ZFYVE28: variants seen among roughly 807,000 people sequenced by gnomAD.
The protein encoded by ZFYVE28 is lateral signaling target protein 2 homolog.
A neutral mutation model predicts 82.1 loss-of-function variants in ZFYVE28; 40 were observed. That is an observed-to-expected ratio of 0.49 (90% CI 0.38 to 0.63). The LOEUF (loss-of-function observed/expected upper bound fraction) is 0.63, where lower values mean the gene tolerates loss of function less well. Ranked by LOEUF, ZFYVE28 falls within the 30% of genes least tolerant of loss-of-function variation. ZFYVE28 has a pLI of 0.00. For synonymous variants in ZFYVE28, 612 were observed against 546.1 expected (o/e 1.12, Z -1.68); for missense variants, 1,321 against 1,242.1 (o/e 1.06, Z -0.96).
intron 6 of ZFYVE28, among the ~76,000 whole-genome samples, chr4:2,321,490 G>A (rs1263787368): frequency 6.6e-6 from 1 of 152,178 alleles, no homozygotes; most frequent in Non-Finnish European, 1.5e-5. Flanking sequence ...TGGGCAGGGG[G>A]CTGTGTCTTG....
At position 2,408,352 on chromosome 4, in the gene ZFYVE28, C is replaced by T. The variant is rs1305320021; in HGVS notation, c.39+9933G>A. Among the ~76,000 whole-genome samples, 1 of 152,002 alleles carries T rather than the reference C, an allele frequency of 6.6e-6. No individual in the cohort carries two copies. Among genetic ancestry groups the T allele is most frequent in the Admixed American group, 6.6e-5 (1 of 15,258 alleles). Reference sequence around the variant, plus strand: ...CGCACCGAGAAGTGGAGGTGACAGCCCCCCCCATTTAATGGGGGCTGGCCC... The same window carrying T: ...CGCACCGAGAAGTGGAGGTGACAGCTCCCCCCATTTAATGGGGGCTGGCCC... On this transcript the variant is annotated intron_variant, in intron 1 of 12. Coordinates refer to ENST00000290974, the MANE Select transcript of ZFYVE28 (RefSeq NM_020972.3). This position sits in a 1 kb window ranked among gnomAD's most constrained non-coding sequence, Gnocchi z 4.3.
At chr4:2,344,635 G>A (rs73203402) in intron 2 of ZFYVE28, among the ~76,000 whole-genome samples, 27,902 of 152,228 alleles carry the variant, frequency 0.18, 3,442 homozygotes, top group East Asian at 0.47. Flanking sequence ...AGTGGCTCAC[G>A]CCTGTAATCC....
chr4:2,402,264 C>T (rs940006580), intron 1 of ZFYVE28, among the ~76,000 whole-genome samples: 3 of 152,188 alleles, frequency 2.0e-5, no homozygotes, highest in African/African-American at 7.2e-5. Context: ...GGGGCCCCTC[C>T]TCCCCAACTC....
chr4:2,271,538 CG>C, intron 11 of ZFYVE28, 124 bp from the exon 12 acceptor site: 9 of 1,413,156 alleles, frequency 6.4e-6, no homozygotes, highest in Non-Finnish European at 7.9e-6. Context: ...AGCCAGCCTC[CG>C]GGGGGGCGGT....
intron 8 of ZFYVE28, among the ~76,000 whole-genome samples, chr4:2,281,849 G>C (rs1003070028): frequency 6.6e-6 from 1 of 152,180 alleles, no homozygotes; most frequent in Non-Finnish European, 1.5e-5. Flanking sequence ...CAGACACTAT[G>C]TGTCCCCCAA....
chr4:2,416,433 G>A lies in ZFYVE28; in HGVS notation c.39+1852C>T, dbSNP rs1733044099. Among the ~76,000 whole-genome samples, 1 of 152,188 alleles carries A rather than the reference G, an allele frequency of 6.6e-6. No homozygotes were observed. Among genetic ancestry groups the A allele is most frequent in the Non-Finnish European group, 1.5e-5 (1 of 68,040 alleles). On this transcript the variant is annotated intron_variant, in intron 1 of 12. Coordinates refer to ENST00000290974, the MANE Select transcript of ZFYVE28 (RefSeq NM_020972.3). The surrounding 1 kb of genome is among the most constrained non-coding windows in gnomAD (Gnocchi z 4.6). ...CACCAGAATGTTAGTTAAGACCTAA[G>A]ACACATTTCTCCAGCTGCCTCCCGC...
intron 8 of ZFYVE28, among the ~76,000 whole-genome samples, chr4:2,283,776 G>GAGTGGGAGT (rs1408869156): frequency 1.3e-5 from 2 of 152,246 alleles, no homozygotes; most frequent in East Asian, 3.8e-4. Flanking sequence ...GGAGGTCAGA[G>GAGTGGGAGT]GGGAGACTCC....
In ZFYVE28 at chr4:2,339,596, C is replaced by T. The variant is rs200371392; in HGVS notation, c.378G>A (p.Pro126=). ...NRELESMAMR[P]LAKELTRSLE... is the part of the protein sequence containing the mutation. Reference sequence around the variant, plus strand: ...GGCTGCGCGTCAGCTCCTTGGCCAGCGGGCGCATGGCCATGCTCTCCAGCT... The same window carrying T: ...GGCTGCGCGTCAGCTCCTTGGCCAGTGGGCGCATGGCCATGCTCTCCAGCT... The change falls in exon 4 of 13, where the codon CCG becomes CCA. Residue 126 remains proline (P), a synonymous_variant. Coordinates refer to ENST00000290974, the MANE Select transcript of ZFYVE28 (RefSeq NM_020972.3). This position sits in a 1 kb window ranked among gnomAD's most constrained non-coding sequence, Gnocchi z 5.0. The T allele has an allele frequency of 8.8e-5, 142 of 1,611,610 alleles. No homozygotes were observed. The highest frequency in any genetic ancestry group is 4.9e-4 in the African/African-American group (37 of 75,000).
intron 1 of ZFYVE28, among the ~76,000 whole-genome samples, chr4:2,360,187 C>T (rs1725924349): frequency 6.6e-6 from 1 of 151,774 alleles, no homozygotes; most frequent in Non-Finnish European, 1.5e-5. Context: ...AGGGAAGCTC[C>T]GAGTGTCTTC....
intron 1 of ZFYVE28, among the ~76,000 whole-genome samples, chr4:2,414,679 T>A (rs1732856908): frequency 6.6e-6 from 1 of 152,182 alleles, no homozygotes; most frequent in African/African-American, 2.4e-5. Context: ...CTGAGTGATA[T>A]TAATATGCTC....
intron 8 of ZFYVE28, among the ~76,000 whole-genome samples, chr4:2,275,477 G>A (rs889709414): frequency 6.6e-6 from 1 of 152,070 alleles, no homozygotes; most frequent in Non-Finnish European, 1.5e-5. Flanking sequence ...TGTTACTGTC[G>A]TTTCATGGAT....
At chr4:2,316,867 T>C (rs949584867) in intron 7 of ZFYVE28, among the ~76,000 whole-genome samples, 1 of 151,912 alleles carries the variant, frequency 6.6e-6, no homozygotes, top group Non-Finnish European at 1.5e-5. Flanking sequence ...TGATTTTTTA[T>C]ATTTTTAGTA....
intron 1 of ZFYVE28, among the ~76,000 whole-genome samples, chr4:2,392,312 G>C (rs151263977): frequency 1.3e-5 from 2 of 152,248 alleles, no homozygotes; most frequent in Non-Finnish European, 2.9e-5. Context: ...CGCAGACTCT[G>C]AGCTTCTCCC....
At chr4:2,342,551 C>T (rs1722977962) in intron 2 of ZFYVE28, 1 of 152,150 alleles carries the variant, frequency 6.6e-6, no homozygotes, top group Non-Finnish European at 1.5e-5. Context: ...GAGCCAGCAT[C>T]CCTGGAAGCA....
At chr4:2,358,235 A>G (rs1330822204) in intron 1 of ZFYVE28, among the ~76,000 whole-genome samples, 1 of 152,178 alleles carries the variant, frequency 6.6e-6, no homozygotes, top group Non-Finnish European at 1.5e-5. Context: ...AAGTGTGTAC[A>G]TGCATGTGCG....
intron 1 of ZFYVE28, among the ~76,000 whole-genome samples, chr4:2,404,583 G>A (rs1731617224): frequency 6.6e-6 from 1 of 152,170 alleles, no homozygotes; most frequent in South Asian, 2.1e-4. Context: ...AGACACAAAA[G>A]GCCCCACAGC....
At position 2,311,573 on chromosome 4, in the gene ZFYVE28, C is replaced by A. The variant is rs998134965; in HGVS notation, c.804-6037G>T. Among the ~76,000 whole-genome samples the A allele has an allele frequency of 5.9e-5, 9 of 152,138 alleles. No individual in the cohort carries two copies. In the East Asian group the frequency reaches 1.7e-3, roughly 29 times the overall value. ...TTGGGTTTGTCTTTCCCCTACTATA[C>A]ATTTGTTTTGCATTTCATTGACATC... On this transcript the variant is annotated intron_variant, in intron 7 of 12. Transcript: ENST00000290974.
chr4:2,320,354 A>G lies in ZFYVE28; in HGVS notation c.702-83T>C. 1 of 1,266,628 alleles carries G rather than the reference A, an allele frequency of 7.9e-7. No individual in the cohort carries two copies. Among genetic ancestry groups the G allele is most frequent in the Non-Finnish European group, 1.1e-6 (1 of 896,166 alleles). 78.5% of individuals were successfully genotyped at this position (1,266,628 alleles called of 1,614,324 possible). On this transcript the variant is annotated intron_variant, in intron 6 of 12. Transcript: ENST00000290974. This position sits in a 1 kb window ranked among gnomAD's most constrained non-coding sequence, Gnocchi z 5.1. ...GACGGCCCAACTTAACCACCTGCGA[A>G]AACCACGCCCGCTGGGACTCTGCAG...
At chr4:2,342,348 A>G (rs921823883) in intron 2 of ZFYVE28, among the ~76,000 whole-genome samples, 1 of 152,154 alleles carries the variant, frequency 6.6e-6, no homozygotes, top group African/African-American at 2.4e-5. Flanking sequence ...CGCCTCTCTG[A>G]TCAGCCAGGT....
Sources: allele counts gnomAD v4.1 joint callset (sites outside exome capture counted in the v4.1 genomes callset), GRCh38; gene constraint gnomAD v4.1.1; non-coding constraint Gnocchi (gnomAD v3.1); transcripts MANE v1.5; gene names NCBI Gene and HGNC (gene_info 2026-07-23, HGNC 2026-07-21).